The following ZNF613 variants were observed in gnomAD, a reference collection of about 807,000 sequenced individuals.
The protein encoded by ZNF613 is zinc finger protein 613.
ZNF613 carries 8 observed loss-of-function variants against 14.3 expected under a neutral mutation model. That is an observed-to-expected ratio of 0.56 (90% CI 0.33 to 1.01). ZNF613 has a LOEUF of 1.01. Ranked by LOEUF, ZNF613 falls within the 50% of genes least tolerant of loss-of-function variation. The probability of loss-of-function intolerance (pLI) is 0.03; values close to 1 mark genes in which losing one functional copy is unlikely to be tolerated. For missense variants in ZNF613, 656 were observed against 741.9 expected, an observed-to-expected ratio of 0.88 and a Z score of 1.35; for synonymous variants, 228 against 254.5, an observed-to-expected ratio of 0.90 and a Z score of 0.99.
rs151068128 is a variant in ZNF613, at chr19:51,945,246, C to A, written c.1363C>A (p.Pro455Thr). The change falls in exon 6 of 6, where the codon CCC (proline) becomes ACC (threonine). Residue 455 changes from proline to threonine, a missense_variant. Coordinates refer to ENST00000293471, the MANE Select transcript of ZNF613 (RefSeq NM_001031721.4). ...TCAGAGATTTCACACAGGAAAGACA[C>A]CCTTTGTATGTACTGAGTGTGGAAA... Reference protein sequence around the residue: ...SHQRFHTGKTPFVCTECGKSC... With the variant: ...SHQRFHTGKTTFVCTECGKSC... 1 of 1,614,092 alleles carries A rather than the reference C, an allele frequency of 6.2e-7. No individual in the cohort carries two copies. Among genetic ancestry groups the A allele is most frequent in the South Asian group, 1.1e-5 (1 of 91,080 alleles).
chr19:51,929,184 T>C (rs939841978), intron 1 of ZNF613, among the ~76,000 whole-genome samples: 3 of 152,242 alleles, frequency 2.0e-5, no homozygotes, highest in Non-Finnish European at 2.9e-5. Context: ...AACGTTCTTA[T>C]AGTAAACATA....
At chr19:51,937,636 G>T (rs1350754042) in intron 3 of ZNF613, among the ~76,000 whole-genome samples, 1 of 151,960 alleles carries the variant, frequency 6.6e-6, no homozygotes, top group African/African-American at 2.4e-5. Flanking sequence ...ACCAGTTCCC[G>T]AGAGGTGTCA....
At chr19:51,931,739 C>T (rs2085266265) in intron 2 of ZNF613, among the ~76,000 whole-genome samples, 1 of 152,028 alleles carries the variant, frequency 6.6e-6, no homozygotes, top group African/African-American at 2.4e-5. Context: ...GTACAACCAC[C>T]ACTTGCAGCC....
At chr19:51,940,481 G>A (rs2085339592) in intron 4 of ZNF613, 136 bp from the exon 5 acceptor site, 2 of 1,496,190 alleles carry the variant, frequency 1.3e-6, no homozygotes, top group Admixed American at 1.9e-5. Flanking sequence ...AGTGTAATGT[G>A]CCCCCTTTAG....
rs1394905801 is a variant in ZNF613 at position 51,944,217 on chromosome 19, ATCAT to A, written c.339_342del (p.His114ArgfsTer8). 2 of 1,609,940 alleles carry A rather than the reference ATCAT, an allele frequency of 1.2e-6. No individual in the cohort carries two copies. Among genetic ancestry groups the A allele is most frequent in the East Asian group, 4.5e-5 (2 of 44,772 alleles). On this transcript the variant is annotated frameshift_variant, in exon 6 of 6. Coordinates refer to ENST00000293471, the MANE Select transcript of ZNF613 (RefSeq NM_001031721.4). LOFTEE classifies it low-confidence loss of function (END_TRUNC). Reference sequence around the variant, plus strand: ...CCATAAACATAATGCATTTGGAAACATCATTCATCAGAGGAAAAGTGATTTTCCT... The same window carrying A: ...CCATAAACATAATGCATTTGGAAACATCATCAGAGGAAAAGTGATTTTCCT...
chr19:51,941,185 G>A (rs1170858045), intron 5 of ZNF613, among the ~76,000 whole-genome samples: 1 of 152,134 alleles, frequency 6.6e-6, no homozygotes, highest in African/African-American at 2.4e-5. Context: ...ACCTGCTTTG[G>A]CCTCCCAAAG....
chr19:51,935,302 A>C (rs1451294180), intron 2 of ZNF613, among the ~76,000 whole-genome samples: 1 of 152,234 alleles, frequency 6.6e-6, no homozygotes, highest in African/African-American at 2.4e-5. Flanking sequence ...TGTCTATGAC[A>C]GTGGCCATCT....
chr19:51,936,376 C>T (rs2085305483), intron 3 of ZNF613, 141 bp downstream of exon 3: 5 of 805,024 alleles, frequency 6.2e-6, no homozygotes, highest in Non-Finnish European at 9.6e-6. Context: ...GTAATTTCAA[C>T]ATCTAGGCAA....
intron 5 of ZNF613, among the ~76,000 whole-genome samples, chr19:51,943,235 A>G (rs1204054037): frequency 6.6e-6 from 1 of 152,206 alleles, no homozygotes; most frequent in Non-Finnish European, 1.5e-5. Context: ...TTCAGAATAC[A>G]GGAGTCCCCT....
In ZNF613 at chr19:51,944,804, G is replaced by C; in HGVS notation, c.921G>C (p.Gln307His). The change falls in exon 6 of 6, where the codon CAG (glutamine) becomes CAC (histidine). Residue 307 changes from glutamine to histidine, a missense_variant. Gln to His is a conservative substitution (Grantham distance 24). Transcript: ENST00000293471. ...FIKKSRLINH[Q>H]RVHTGEKPHG... ...AGAAGTCTCGGCTCATTAATCATCA[G>C]AGAGTTCATACAGGAGAGAAACCAC... The C allele has an allele frequency of 1.2e-6, 2 of 1,613,818 alleles. No individual in the cohort carries two copies. The highest frequency in any genetic ancestry group is 1.7e-6 in the Non-Finnish European group (2 of 1,179,992).
At chr19:51,937,119 T>C (rs1457837346) in intron 3 of ZNF613, among the ~76,000 whole-genome samples, 5 of 152,170 alleles carry the variant, frequency 3.3e-5, no homozygotes, top group African/African-American at 4.8e-5. Context: ...AGCTTTTCCA[T>C]TGGGTTATTC....
intron 2 of ZNF613, among the ~76,000 whole-genome samples, chr19:51,930,936 T>C (rs2122804853): frequency 6.6e-6 from 1 of 152,314 alleles, no homozygotes; most frequent in Admixed American, 6.5e-5. Context: ...ACTTGTTATT[T>C]TTAGTTTTTT....
chr19:51,939,405 T>A (rs1431718099), intron 3 of ZNF613, among the ~76,000 whole-genome samples: 4 of 152,170 alleles, frequency 2.6e-5, no homozygotes, highest in Non-Finnish European at 5.9e-5. Flanking sequence ...CTTGGCTCAC[T>A]GCAACCTTTG....
rs775284659 is a variant in ZNF613 at position 51,945,215 on chromosome 19, A to G, written c.1332A>G (p.Ile444Met). The G allele has an allele frequency of 6.2e-7, 1 of 1,614,174 alleles. No homozygotes were observed. Among genetic ancestry groups the G allele is most frequent in the Non-Finnish European group, 8.5e-7 (1 of 1,180,032 alleles). Residue 444 changes from isoleucine to methionine, a missense_variant, in exon 6 of 6, where the codon ATA becomes ATG. Coordinates refer to ENST00000293471, the MANE Select transcript of ZNF613 (RefSeq NM_001031721.4). ...GCTTCAGCCAGAAGACATGTTTAAT[A>G]TCCCATCAGAGATTTCACACAGGAA... ...GKGFSQKTCL[I>M]SHQRFHTGKT...
rs527476013 is a variant in ZNF613, at chr19:51,945,041, T to A, written c.1158T>A (p.Asn386Lys). 2 of 1,614,046 alleles carry A rather than the reference T, an allele frequency of 1.2e-6. No homozygotes were observed. Among genetic ancestry groups the A allele is most frequent in the South Asian group, 2.2e-5 (2 of 91,078 alleles). ...DCGKGFIQKG[N>K]LIVHQRIHTG... ...GAAAAGGCTTCATTCAGAAGGGAAA[T>A]CTCATTGTACATCAGCGAATTCATA... Residue 386 changes from asparagine (N) to lysine (K), a missense_variant, in exon 6 of 6, where the codon AAT becomes AAA. Asn to Lys is a moderately conservative substitution (Grantham distance 94). Transcript: ENST00000293471.
intron 2 of ZNF613, among the ~76,000 whole-genome samples, chr19:51,932,677 ATTTTCT>A (rs2122807593): frequency 6.8e-6 from 1 of 146,234 alleles, no homozygotes; most frequent in Non-Finnish European, 1.5e-5. Context: ...AGTGTCTGAC[ATTTTCT>A]TTTTTTTTTT....
At chr19:51,929,354 G>A (rs548310569) in intron 1 of ZNF613, among the ~76,000 whole-genome samples, 108 of 152,148 alleles carry the variant, frequency 7.1e-4, no homozygotes, top group African/African-American at 2.5e-3. Flanking sequence ...TTTAAGAATG[G>A]GTTACAATTC....
chr19:51,945,425 C>T lies in ZNF613; in HGVS notation c.1542C>T (p.Cys514=). 6.2e-7 allele frequency: 1 copy of T among 1,613,734 alleles called. No individual in the cohort carries two copies. The highest frequency in any genetic ancestry group is 8.5e-7 in the Non-Finnish European group (1 of 1,179,742). The change falls in exon 6 of 6, where the codon TGC becomes TGT. Residue 514 remains cysteine (C), a synonymous_variant. Transcript: ENST00000293471. ...RTHTGERPYG[C]SDCGKAFSHL... ...ATACAGGGGAGAGACCGTATGGATG[C>T]TCTGATTGTGGGAAAGCTTTCTCCC...
At chr19:51,929,294 A>G (rs2085244984) in intron 1 of ZNF613, among the ~76,000 whole-genome samples, 1 of 152,222 alleles carries the variant, frequency 6.6e-6, no homozygotes, top group Admixed American at 6.5e-5. Flanking sequence ...CACTAAGTGT[A>G]TGGATATATT....
Sources: gnomAD v4.1 joint callset for allele counts (sites outside exome capture counted in the v4.1 genomes callset) on GRCh38, gnomAD v4.1.1 for gene constraint, MANE v1.5 for transcripts, NCBI Gene and HGNC (gene_info 2026-07-23, HGNC 2026-07-21) for gene names.